The following PAX7 variants were observed in gnomAD, a reference collection of about 807,000 sequenced individuals.
PAX7 encodes paired box protein Pax-7.
Under a neutral mutation model 50.7 loss-of-function variants are expected in PAX7, and 18 were observed. The observed-to-expected ratio is 0.36, with a 90% CI of 0.25 to 0.53. The LOEUF (loss-of-function observed/expected upper bound fraction) is 0.53, where lower values mean the gene tolerates loss of function less well. PAX7 is among the 20% of genes least tolerant of loss of function. The pLI is 0.93. For synonymous variants in PAX7, 310 were observed against 290.4 expected (o/e 1.07, Z -0.69); for missense variants, 644 against 702.9 (o/e 0.92, Z 0.95).
intron 4 of PAX7, among the ~76,000 whole-genome samples, chr1:18,687,749 T>C (rs2088998565): frequency 6.6e-6 from 1 of 152,164 alleles, no homozygotes; most frequent in African/African-American, 2.4e-5. Flanking sequence ...AGGGTTGTTA[T>C]GGCAACCTCC....
chr1:18,729,332 G>A (rs2089616631), intron 7 of PAX7, among the ~76,000 whole-genome samples: 1 of 152,196 alleles, frequency 6.6e-6, no homozygotes, highest in East Asian at 1.9e-4. Context: ...ACCCAAGACA[G>A]GGGGCAGGAG....
chr1:18,647,941 CA>C (rs2088371146), intron 4 of PAX7, among the ~76,000 whole-genome samples: 2 of 152,310 alleles, frequency 1.3e-5, no homozygotes, highest in East Asian at 3.9e-4. Context: ...GGCAGCTCCT[CA>C]TTCAGCAGAA....
intron 7 of PAX7, among the ~76,000 whole-genome samples, chr1:18,723,873 C>T (rs1019768455): frequency 6.6e-6 from 1 of 152,172 alleles, no homozygotes; most frequent in African/African-American, 2.4e-5. Context: ...CAGAGCATTC[C>T]GGTCCCCAGC....
In PAX7 at chr1:18,700,711, C is replaced by G; in HGVS notation, c.845C>G (p.Ala282Gly). ...WRKQAGANQLAAFNHLLPGGF... is the reference protein window; with the variant it reads ...WRKQAGANQLGAFNHLLPGGF... ...AAGCAGGCAGGAGCCAACCAGCTGG[C>G]GGCGTTCAACCACCTTCTGCCAGGA... is the stretch of plus-strand genomic sequence containing the variant. The change falls in exon 6 of 9, where the codon GCG (alanine) becomes GGG (glycine). Residue 282 changes from alanine to glycine, a missense_variant. Physicochemically the swap from Ala to Gly is moderately conservative, Grantham distance 60 (BLOSUM62 0). Coordinates refer to ENST00000420770, the MANE Select transcript of PAX7 (RefSeq NM_001135254.2). The surrounding 1 kb of genome is among the most constrained non-coding windows in gnomAD (Gnocchi z 4.8). 6.2e-7 allele frequency: 1 copy of G among 1,601,462 alleles called. No individual in the cohort carries two copies. Among genetic ancestry groups the G allele is most frequent in the South Asian group, 1.1e-5 (1 of 89,206 alleles).
Position 18,634,584 on chromosome 1 carries a change from G to A in PAX7, c.321+46G>A, listed in dbSNP as rs372423746. On this transcript the variant is annotated intron_variant, in intron 2 of 8. Transcript: ENST00000420770. The surrounding 1 kb of genome is among the most constrained non-coding windows in gnomAD (Gnocchi z 4.0). ...GGCTGGCAGCTGGCTTCCTATAGTC[G>A]GGGGCTCCTGGTTGTGGCCCCTCTT... is the stretch of plus-strand genomic sequence containing the variant. 539 of 1,542,310 alleles carry A rather than the reference G, an allele frequency of 3.5e-4. 3 individuals carry two copies. In the Middle Eastern group the frequency reaches 5.8e-3, roughly 17 times the overall value.
intron 4 of PAX7, among the ~76,000 whole-genome samples, chr1:18,679,688 A>G (rs2088870326): frequency 1.3e-5 from 2 of 152,168 alleles, no homozygotes; most frequent in South Asian, 4.1e-4. Context: ...TTCTGGGAAA[A>G]GGATGGGATG....
At chr1:18,698,272 T>TACACACAC (rs71018097) in intron 5 of PAX7, among the ~76,000 whole-genome samples, 8,536 of 147,346 alleles carry the variant, frequency 0.058, 282 homozygotes, top group African/African-American at 0.074. Flanking sequence ...ATTGTTAAAA[T>TACACACAC]ACACACACAC....
chr1:18,658,864 C>G (rs527748953), intron 4 of PAX7, among the ~76,000 whole-genome samples: 1 of 152,310 alleles, frequency 6.6e-6, no homozygotes, highest in East Asian at 1.9e-4. Context: ...GCTAAGGGAA[C>G]CCTTGCTCAA....
chr1:18,707,415 C>CTTTTTTTTTTTTTTTTTTT (rs60914648), intron 7 of PAX7, among the ~76,000 whole-genome samples: 1 of 28,066 alleles, frequency 3.6e-5, no homozygotes, highest in Non-Finnish European at 7.5e-5. Context: ...TTTTTTCTTT[C>CTTTTTTTTTTTTTTTTTTT]TTTTTTTTTT....
chr1:18,704,183 AAAG>A (rs1322934212), intron 7 of PAX7, among the ~76,000 whole-genome samples: 4 of 152,260 alleles, frequency 2.6e-5, no homozygotes, highest in African/African-American at 9.6e-5. Flanking sequence ...GAAAGAATTC[AAAG>A]AAGGCCAGCA....
chr1:18,741,102 A>ATGTAT (rs1423472163), intron 8 of PAX7, among the ~76,000 whole-genome samples: 1 of 152,222 alleles, frequency 6.6e-6, no homozygotes, highest in Admixed American at 6.5e-5. Context: ...GCTAACAACA[A>ATGTAT]TGTATTGTAT....
rs1234257642 is a variant in PAX7 at position 18,635,176 on chromosome 1, C to CAGCTGGGAGATCCGGGACAGGCTGGA, written c.411_412insGAAGCTGGGAGATCCGGGACAGGCTG (p.Leu138GlufsTer10). ...ACAAGAGGGAAAACCCAGGCATGTT[C>CAGCTGGGAGATCCGGGACAGGCTGGA]AGCTGGGAGATCCGGGACAGGCTGC... On this transcript the variant is annotated frameshift_variant, in exon 3 of 9. Coordinates refer to ENST00000420770, the MANE Select transcript of PAX7 (RefSeq NM_001135254.2). LOFTEE classifies it high-confidence loss of function. 6.2e-7 allele frequency: 1 copy of CAGCTGGGAGATCCGGGACAGGCTGGA among 1,614,048 alleles called. No individual in the cohort carries two copies. Among genetic ancestry groups the CAGCTGGGAGATCCGGGACAGGCTGGA allele is most frequent in the Non-Finnish European group, 8.5e-7 (1 of 1,179,976 alleles).
chr1:18,697,003 T>A (rs542105193), intron 5 of PAX7, among the ~76,000 whole-genome samples: 35 of 152,056 alleles, frequency 2.3e-4, no homozygotes, highest in African/African-American at 8.2e-4. Flanking sequence ...ATATCAAAGA[T>A]CCCCTCTATC....
intron 7 of PAX7, among the ~76,000 whole-genome samples, chr1:18,713,192 C>T (rs1366614895): frequency 6.6e-6 from 1 of 152,136 alleles, no homozygotes; most frequent in Non-Finnish European, 1.5e-5. Context: ...GACCTCTGCC[C>T]CTTTACACAG....
At chr1:18,715,049 G>T (rs531447571) in intron 7 of PAX7, among the ~76,000 whole-genome samples, 41 of 152,354 alleles carry the variant, frequency 2.7e-4, no homozygotes, top group African/African-American at 8.7e-4. Flanking sequence ...GGGCCTGGGA[G>T]GCCAGGCAAG....
intron 7 of PAX7, among the ~76,000 whole-genome samples, chr1:18,732,115 T>G (rs988270637): frequency 1.3e-5 from 2 of 152,230 alleles, no homozygotes; most frequent in Admixed American, 6.5e-5. Context: ...TTTCTGGTCT[T>G]GCTGGATATC....
chr1:18,663,371 GTTTGT>G (rs1365679073), intron 4 of PAX7, among the ~76,000 whole-genome samples: 2 of 152,128 alleles, frequency 1.3e-5, no homozygotes, highest in Admixed American at 6.5e-5. Flanking sequence ...AATTTGTGGG[GTTTGT>G]TTTGTTTTGT....
intron 4 of PAX7, among the ~76,000 whole-genome samples, chr1:18,672,102 AGTG>A (rs2088758816): frequency 1.3e-5 from 2 of 152,276 alleles, no homozygotes; most frequent in Admixed American, 1.3e-4. Flanking sequence ...GCACTCTGTG[AGTG>A]TTTGTTTCTG....
chr1:18,667,955 C>T (rs988183259), intron 4 of PAX7, among the ~76,000 whole-genome samples: 7 of 152,166 alleles, frequency 4.6e-5, no homozygotes, highest in African/African-American at 1.4e-4. Context: ...AGGATGCTTC[C>T]TCTACATCCC....
Sources: gnomAD v4.1 joint callset for allele counts (sites outside exome capture counted in the v4.1 genomes callset) on GRCh38, gnomAD v4.1.1 for gene constraint, Gnocchi (gnomAD v3.1) non-coding constraint, MANE v1.5 for transcripts, NCBI Gene and HGNC (gene_info 2026-07-23, HGNC 2026-07-21) for gene names.